Variants in ANKS1B observed in about 807,000 individuals in gnomAD.
ANKS1B encodes the protein ankyrin repeat and sterile alpha motif domain-containing protein 1B.
In ANKS1B, 36 loss-of-function variants were observed where a neutral mutation model predicts 148.3. The ratio of observed to expected loss-of-function variants is 0.24; its 90% CI spans 0.19 to 0.32. The LOEUF (loss-of-function observed/expected upper bound fraction) is 0.32. Among genes scored for constraint, ANKS1B ranks in the 10% least tolerant of loss-of-function variants. ANKS1B has a pLI of 1.00. For synonymous variants in ANKS1B, 542 were observed against 560.8 expected, an observed-to-expected ratio of 0.97 and a Z score of 0.47; for missense variants, 1,157 against 1,542.6, an observed-to-expected ratio of 0.75 and a Z score of 4.19.
At chr12:99,525,031 A>C (rs1330591250) in intron 9 of ANKS1B, among the ~76,000 whole-genome samples, 1 of 152,186 alleles carries the variant, frequency 6.6e-6, no homozygotes, top group Non-Finnish European at 1.5e-5. Flanking sequence ...TCCAGAAAGG[A>C]AAGCAGCCCT....
intron 12 of ANKS1B, among the ~76,000 whole-genome samples, chr12:99,366,343 C>A (rs2152449838): frequency 6.6e-6 from 1 of 152,322 alleles, no homozygotes; most frequent in Middle Eastern, 3.4e-3. Context: ...AGCCTCAGGA[C>A]ACTAATGGCT....
At chr12:99,651,950 C>T (rs1049901179) in intron 9 of ANKS1B, among the ~76,000 whole-genome samples, 1 of 151,286 alleles carries the variant, frequency 6.6e-6, no homozygotes, top group Admixed American at 6.6e-5. Flanking sequence ...ACTATATATA[C>T]ACAAAAATAT....
intron 9 of ANKS1B, chr12:99,649,620 C>A (rs2098405002): frequency 4.0e-6 from 2 of 495,692 alleles, no homozygotes; most frequent in Admixed American, 7.1e-5. Context: ...GGAAGTATAG[C>A]CAGCATGGCT....
chr12:99,115,871 G>A (rs1450036200), intron 15 of ANKS1B, among the ~76,000 whole-genome samples: 2 of 148,818 alleles, frequency 1.3e-5, no homozygotes, highest in Non-Finnish European at 3.0e-5. Flanking sequence ...GGCAGAGGTT[G>A]CAGTGAGCCG....
chr12:99,326,113 G>T (rs1020428770), intron 12 of ANKS1B, among the ~76,000 whole-genome samples: 1 of 151,978 alleles, frequency 6.6e-6, no homozygotes, highest in Non-Finnish European at 1.5e-5. Context: ...TTGCTCCCAC[G>T]ATTCAATTAC....
intron 4 of ANKS1B, among the ~76,000 whole-genome samples, chr12:99,798,302 C>T (rs1258392253): frequency 6.6e-6 from 1 of 151,482 alleles, no homozygotes. Context: ...ATTGTAACAA[C>T]TGGTAAATAA....
At chr12:98,783,956 T>G (rs564814921) in intron 22 of ANKS1B, among the ~76,000 whole-genome samples, 1 of 152,254 alleles carries the variant, frequency 6.6e-6, no homozygotes, top group Admixed American at 6.5e-5. Context: ...GCACCTGAGT[T>G]GAAGTAGAGG....
At chr12:99,113,326 G>A (rs1371269241) in intron 15 of ANKS1B, among the ~76,000 whole-genome samples, 3 of 152,146 alleles carry the variant, frequency 2.0e-5, no homozygotes, top group Non-Finnish European at 4.4e-5. Flanking sequence ...AGACTCTGCC[G>A]TTTGATATGA....
chr12:99,472,047 T>C (rs892889902), intron 10 of ANKS1B, among the ~76,000 whole-genome samples: 3 of 152,174 alleles, frequency 2.0e-5, no homozygotes, highest in Admixed American at 2.0e-4. Context: ...CATTCCTATA[T>C]AACAAATTTT....
chr12:98,845,983 C>T lies in ANKS1B; in HGVS notation c.2779-13847G>A, dbSNP rs113570094. Among the ~76,000 whole-genome samples the T allele has an allele frequency of 7.1e-3, 702 of 99,368 alleles. 4 individuals are homozygous for T. Among genetic ancestry groups the T allele is most frequent in the African/African-American group, 0.02 (635 of 32,204 alleles). The allele number at this position is 99,368 out of a possible 152,430, so 65.2% of individuals were successfully genotyped here. On this transcript the variant is annotated intron_variant, in intron 17 of 26. Transcript: ENST00000683438. ...AATTCTTCATATATATATATATACA[C>T]ACACACACACACACACACACACATA...
intron 17 of ANKS1B, among the ~76,000 whole-genome samples, chr12:99,014,881 G>A (rs1430514857): frequency 6.6e-6 from 1 of 152,142 alleles, no homozygotes; most frequent in East Asian, 1.9e-4. Flanking sequence ...ATGCTGGTGA[G>A]GTTGTGGAGA....
chr12:99,472,807 A>G (rs937721284), intron 10 of ANKS1B, among the ~76,000 whole-genome samples: 20 of 152,110 alleles, frequency 1.3e-4, no homozygotes, highest in Non-Finnish European at 2.1e-4. Context: ...TGCGCTTAAA[A>G]TAAGATATAT....
intron 10 of ANKS1B, among the ~76,000 whole-genome samples, chr12:99,463,124 C>G (rs149468181): frequency 6.6e-6 from 1 of 152,260 alleles, no homozygotes; most frequent in African/African-American, 2.4e-5. Context: ...TAATAGAAAA[C>G]TGGACTAAAA....
chr12:99,168,252 C>T (rs1175090706), intron 14 of ANKS1B, among the ~76,000 whole-genome samples: 2 of 152,212 alleles, frequency 1.3e-5, no homozygotes, highest in African/African-American at 4.8e-5. Flanking sequence ...TGCAGTGGCT[C>T]ACGCCTATAA....
chr12:99,647,346 T>C lies in ANKS1B; in HGVS notation c.1272+7721A>G, dbSNP rs74726950. 5.3e-3 allele frequency among the ~76,000 whole-genome samples: 802 copies of C among 152,352 alleles called. 10 individuals carry two copies. Among genetic ancestry groups the C allele is most frequent in the African/African-American group, 0.018 (731 of 41,586 alleles). The stretch of plus-strand genomic sequence containing the variant: ...GCAATCCCCTATTGTAAGACACTAA[T>C]GCTGTTTATAATTTTTTACTCTACA... On this transcript the variant is annotated intron_variant, in intron 9 of 26. Coordinates refer to ENST00000683438, the MANE Select transcript of ANKS1B (RefSeq NM_001352186.2).
chr12:99,507,655 T>C (rs1329714714), intron 9 of ANKS1B, among the ~76,000 whole-genome samples: 1 of 151,884 alleles, frequency 6.6e-6, no homozygotes, highest in African/African-American at 2.4e-5. Context: ...TAAGTCTTTG[T>C]AGAACCTGGC....
chr12:98,975,521 T>A (rs1257898327), intron 17 of ANKS1B, among the ~76,000 whole-genome samples: 1 of 152,042 alleles, frequency 6.6e-6, no homozygotes, highest in Non-Finnish European at 1.5e-5. Flanking sequence ...CGAAATAAAG[T>A]CTCTACCCTC....
chr12:99,376,953 A>C (rs981088011), intron 12 of ANKS1B, among the ~76,000 whole-genome samples: 7 of 151,822 alleles, frequency 4.6e-5, no homozygotes, highest in Admixed American at 4.6e-4. Flanking sequence ...TTACATGTTC[A>C]TTTAATCTAA....
chr12:99,895,684 T>C (rs1369045459), intron 1 of ANKS1B, among the ~76,000 whole-genome samples: 2 of 150,572 alleles, frequency 1.3e-5, no homozygotes, highest in Non-Finnish European at 3.0e-5. Context: ...AAAACAGAAA[T>C]AGATCCACAT....
Sources: gnomAD v4.1 joint callset for allele counts (sites outside exome capture counted in the v4.1 genomes callset) on GRCh38, gnomAD v4.1.1 for gene constraint, MANE v1.5 for transcripts, NCBI Gene and HGNC (gene_info 2026-07-23, HGNC 2026-07-21) for gene names.